SSTR1: variants seen among roughly 807,000 people sequenced by gnomAD.
The protein encoded by SSTR1 is somatostatin receptor type 1.
SSTR1 carries 10 observed loss-of-function variants against 20.7 expected under a neutral mutation model. The observed-to-expected ratio is 0.48, with a 90% CI of 0.30 to 0.82. The LOEUF is 0.82. SSTR1 is among the 40% of genes least tolerant of loss of function. The pLI is 0.07. For synonymous variants in SSTR1, 267 were observed against 227.8 expected (o/e 1.17, Z -1.55); for missense variants, 494 against 540.0 (o/e 0.91, Z 0.84).
intron 2 of SSTR1, 67 bp downstream of exon 2, chr14:38,208,676 A>G (rs1883260590): frequency 6.6e-6 from 1 of 152,346 alleles, no homozygotes; most frequent in African/African-American, 2.4e-5. Context: ...GGAAGAGGGA[A>G]TTTAGGGTTC....
In SSTR1 at chr14:38,209,594, T is replaced by A. The variant is rs1566438634; in HGVS notation, c.205T>A (p.Cys69Ser). ...ILISFIYSVV[C>S]LVGLCGNSMV... Reference sequence around the variant, plus strand: ...GATCTCTTTCATCTACTCCGTGGTGTGCCTGGTGGGGCTGTGTGGGAACTC... The same window carrying A: ...GATCTCTTTCATCTACTCCGTGGTGAGCCTGGTGGGGCTGTGTGGGAACTC... The change falls in exon 3 of 3, where the codon TGC becomes AGC. Residue 69 changes from cysteine (C) to serine (S), a missense_variant. Physicochemically the swap from Cys to Ser is moderately radical, Grantham distance 112. Coordinates refer to ENST00000267377, the MANE Select transcript of SSTR1 (RefSeq NM_001049.3). 1 of 1,613,754 alleles carries A rather than the reference T, an allele frequency of 6.2e-7. No homozygotes were observed. The highest frequency in any genetic ancestry group is 1.7e-5 in the Admixed American group (1 of 59,992).
chr14:38,209,886 C>T lies in SSTR1; in HGVS notation c.497C>T (p.Ala166Val). ...GCCGTGGTGCATCCCATCAAGGCGG[C>T]CCGCTACCGCCGGCCCACCGTGGCC... ...YVAVVHPIKA[A>V]RYRRPTVAKV... is the part of the protein sequence containing the mutation. The change falls in exon 3 of 3, where the codon GCC becomes GTC. Residue 166 changes from alanine (A) to valine (V), a missense_variant. Around this residue, in one of 3 missense-constraint regions of SSTR1, gnomAD observed 116 missense variants for 174.6 expected, o/e 0.66. Coordinates refer to ENST00000267377, the MANE Select transcript of SSTR1 (RefSeq NM_001049.3). The T allele has an allele frequency of 6.2e-7, 1 of 1,613,778 alleles. No individual in the cohort carries two copies. Among genetic ancestry groups the T allele is most frequent in the Non-Finnish European group, 8.5e-7 (1 of 1,180,040 alleles).
Position 38,212,306 on chromosome 14 carries a change from T to C in SSTR1, c.*1741T>C, listed in dbSNP as rs1883345100. 6.0e-6 allele frequency: 1 copy of C among 166,978 alleles called. No individual in the cohort carries two copies. The highest frequency in any genetic ancestry group is 1.5e-5 in the Non-Finnish European group (1 of 68,114). The allele number at this position is 166,978 out of a possible 1,614,324, so 10.3% of individuals were successfully genotyped here. A position where few individuals can be genotyped will look rare whatever the true frequency, so the allele number is the denominator to read the frequency against. On this transcript the variant is annotated 3_prime_UTR_variant, in exon 3 of 3. Transcript: ENST00000267377. The stretch of plus-strand genomic sequence containing the variant: ...AAGTATAGCCACTGATGGTGACAGG[T>C]GTGAGTCTGGCTGGAACACTTTCAG...
chr14:38,209,212 G>A lies in SSTR1; in HGVS notation c.-178G>A. ...GCAGAGCCCAGGCAACCGCTGGGCT[G>A]TGCGCCCCGCCGGCGCCGGTAGGAG... On this transcript the variant is annotated 5_prime_UTR_variant, in exon 3 of 3. In the 5' UTR this introduces an upstream ATG that the reference lacks. Transcript: ENST00000267377. 1.4e-6 allele frequency: 1 copy of A among 728,310 alleles called. No individual in the cohort carries two copies. Among genetic ancestry groups the A allele is most frequent in the South Asian group, 3.6e-5 (1 of 27,978 alleles). The allele number at this position is 728,310 out of a possible 1,614,324, so 45.1% of individuals were successfully genotyped here.
At chr14:38,208,834 T>C (rs1270962658) in intron 2 of SSTR1, among the ~76,000 whole-genome samples, 1 of 152,126 alleles carries the variant, frequency 6.6e-6, no homozygotes, top group Non-Finnish European at 1.5e-5. Flanking sequence ...ACAGAATCTA[T>C]ACCTTTGGTT....
In SSTR1 at chr14:38,210,558, C is replaced by CGCTCTGAGCCCGAGCCACGCAGGG. The variant is rs1555317852; in HGVS notation, c.*5_*6insAGCCACGCAGGGGCTCTGAGCCCG. On this transcript the variant is annotated stop_gained and inframe_insertion, in exon 3 of 3. Coordinates refer to ENST00000267377, the MANE Select transcript of SSTR1 (RefSeq NM_001049.3). LOFTEE classifies it high-confidence loss of function. Reference sequence around the variant, plus strand: ...GGCACCTGCACGTCCCGGATCACGACGCTCTGAGCCCGGGCCACGCAGGGG... The same window carrying CGCTCTGAGCCCGAGCCACGCAGGG: ...GGCACCTGCACGTCCCGGATCACGACGCTCTGAGCCCGAGCCACGCAGGGGCTCTGAGCCCGGGCCACGCAGGGG... 3.3e-6 allele frequency: 5 copies of CGCTCTGAGCCCGAGCCACGCAGGG among 1,533,868 alleles called. No individual in the cohort carries two copies. Among genetic ancestry groups the CGCTCTGAGCCCGAGCCACGCAGGG allele is most frequent in the Non-Finnish European group, 4.4e-6 (5 of 1,130,636 alleles).
chr14:38,209,517 G>C lies in SSTR1; in HGVS notation c.128G>C (p.Arg43Pro). 1 of 1,593,274 alleles carries C rather than the reference G, an allele frequency of 6.3e-7. No homozygotes were observed. ...GCGGACGGCATGGAGGAGCCAGGGC[G>C]AAATGCGTCCCAGAACGGGACCTTG... ...GAADGMEEPG[R>P]NASQNGTLSE... Residue 43 changes from arginine to proline, a missense_variant, in exon 3 of 3, where the codon CGA (arginine) becomes CCA (proline). Transcript: ENST00000267377.
In SSTR1 at chr14:38,210,559, G is replaced by A. The variant is rs779949852; in HGVS notation, c.1170G>A (p.Thr390=). ...RNGTCTSRIT[T]L ...GCACCTGCACGTCCCGGATCACGAC[G>A]CTCTGAGCCCGGGCCACGCAGGGGC... is the stretch of plus-strand genomic sequence containing the variant. The change falls in exon 3 of 3, where the codon ACG becomes ACA. Residue 390 remains threonine, a synonymous_variant. Coordinates refer to ENST00000267377, the MANE Select transcript of SSTR1 (RefSeq NM_001049.3). 6.4e-7 allele frequency: 1 copy of A among 1,550,844 alleles called. No individual in the cohort carries two copies. The highest frequency in any genetic ancestry group is 8.7e-7 in the Non-Finnish European group (1 of 1,147,452).
In SSTR1 at chr14:38,209,667, C is replaced by T; in HGVS notation, c.278C>T (p.Thr93Ile). 6.2e-7 allele frequency: 1 copy of T among 1,614,096 alleles called. No homozygotes were observed. Among genetic ancestry groups the T allele is most frequent in the Non-Finnish European group, 8.5e-7 (1 of 1,180,032 alleles). The change falls in exon 3 of 3, where the codon ACC becomes ATC. Residue 93 changes from threonine (T) to isoleucine (I), a missense_variant. Transcript: ENST00000267377. ...ILRYAKMKTA[T>I]NIYILNLAIA... ...CGCTATGCCAAGATGAAGACGGCCACCAACATCTACATCCTAAATCTGGCC... is the reference window on the plus strand; with the variant it reads ...CGCTATGCCAAGATGAAGACGGCCATCAACATCTACATCCTAAATCTGGCC...
rs951253322 is a variant in SSTR1 at position 38,209,090 on chromosome 14, A to G, written c.-300A>G. The G allele has an allele frequency of 2.3e-5, 8 of 347,472 alleles. No individual in the cohort carries two copies. The highest frequency in any genetic ancestry group is 3.1e-5 in the Non-Finnish European group (6 of 194,844). 21.5% of individuals were successfully genotyped at this position (347,472 alleles called of 1,614,324 possible). On this transcript the variant is annotated 5_prime_UTR_variant, in exon 3 of 3. Transcript: ENST00000267377. ...GCCTATTAATCATTTACCAGTCCAGAGCCGCGCCAGTTAATGGCTGTGCCG... is the reference window on the plus strand; with the variant it reads ...GCCTATTAATCATTTACCAGTCCAGGGCCGCGCCAGTTAATGGCTGTGCCG...
At position 38,209,485 on chromosome 14, in the gene SSTR1, C is replaced by A. The variant is rs772211121; in HGVS notation, c.96C>A (p.Ala32=). Residue 32 remains alanine, a synonymous_variant, in exon 3 of 3, where the codon GCC becomes GCA. Coordinates refer to ENST00000267377, the MANE Select transcript of SSTR1 (RefSeq NM_001049.3). ...GEGGGSRGPG[A]GAADGMEEPG... Reference sequence around the variant, plus strand: ...GCGGCGGCAGCAGGGGCCCCGGGGCCGGCGCTGCGGACGGCATGGAGGAGC... The same window carrying A: ...GCGGCGGCAGCAGGGGCCCCGGGGCAGGCGCTGCGGACGGCATGGAGGAGC... 5 of 1,569,790 alleles carry A rather than the reference C, an allele frequency of 3.2e-6. No homozygotes were observed. In the African/African-American group the frequency reaches 5.4e-5, roughly 17 times the overall value.
rs764017181 is a variant in SSTR1, at chr14:38,209,800, C to G, written c.411C>G (p.Asp137Glu). The G allele has an allele frequency of 3.1e-6, 5 of 1,613,944 alleles. No individual in the cohort carries two copies. The highest frequency in any genetic ancestry group is 3.4e-6 in the Non-Finnish European group (4 of 1,180,038). ...TCTGCCGCCTCGTGCTCAGCGTGGA[C>G]GCGGTCAACATGTTCACCAGCATCT... The part of the protein sequence containing the change: ...ALLCRLVLSV[D>E]AVNMFTSIYC... Residue 137 changes from aspartate to glutamate, a missense_variant, in exon 3 of 3, where the codon GAC becomes GAG. Around this residue, in one of 3 missense-constraint regions of SSTR1, gnomAD observed 116 missense variants for 174.6 expected, o/e 0.66. Coordinates refer to ENST00000267377, the MANE Select transcript of SSTR1 (RefSeq NM_001049.3).
rs1594459697 is a variant in SSTR1, at chr14:38,210,958, C to G, written c.*393C>G. On this transcript the variant is annotated 3_prime_UTR_variant, in exon 3 of 3. Transcript: ENST00000267377. The stretch of plus-strand genomic sequence containing the variant: ...ATTAACAACTCATTCTGATCCTCAG[C>G]CCCTCCAGTCGTTATTTCTGTTTGT... 1 of 190,350 alleles carries G rather than the reference C, an allele frequency of 5.3e-6. No individual in the cohort carries two copies. Among genetic ancestry groups the G allele is most frequent in the Non-Finnish European group, 1.2e-5 (1 of 83,452 alleles). The allele number at this position is 190,350 out of a possible 1,614,324, so 11.8% of individuals were successfully genotyped here.
rs1034673429 is a variant in SSTR1 at position 38,209,130 on chromosome 14, A to G, written c.-260A>G. On this transcript the variant is annotated 5_prime_UTR_variant, in exon 3 of 3. Coordinates refer to ENST00000267377, the MANE Select transcript of SSTR1 (RefSeq NM_001049.3). ...TGGCTGTGCCGTGCGGTGCTCCCAC[A>G]TCCTGGCCTCTCCTCTCCACGGTCG... The G allele has an allele frequency of 2.5e-6, 1 of 404,332 alleles. No individual in the cohort carries two copies. The highest frequency in any genetic ancestry group is 2.1e-5 in the African/African-American group (1 of 48,042). 25.0% of individuals were successfully genotyped at this position (404,332 alleles called of 1,614,324 possible). A position where few individuals can be genotyped will look rare whatever the true frequency, so the allele number is the denominator to read the frequency against.
At position 38,210,059 on chromosome 14, in the gene SSTR1, G is replaced by A. The variant is rs756196961; in HGVS notation, c.670G>A (p.Val224Met). The part of the protein sequence containing the change: ...EPAQRWLVGF[V>M]LYTFLMGFLL... ...CGCTCAACGCTGGCTGGTGGGCTTCGTGTTGTACACATTTCTCATGGGCTT... is the reference window on the plus strand; with the variant it reads ...CGCTCAACGCTGGCTGGTGGGCTTCATGTTGTACACATTTCTCATGGGCTT... Residue 224 changes from valine to methionine, a missense_variant, in exon 3 of 3, where the codon GTG becomes ATG. Val to Met is a conservative substitution (Grantham distance 21). Around this residue, in one of 3 missense-constraint regions of SSTR1, gnomAD observed 280 missense variants for 286.1 expected, o/e 0.98. Transcript: ENST00000267377. 1.2e-6 allele frequency: 2 copies of A among 1,614,202 alleles called. No individual in the cohort carries two copies. Among genetic ancestry groups the A allele is most frequent in the Non-Finnish European group, 1.7e-6 (2 of 1,180,050 alleles).
In SSTR1 at chr14:38,209,303, G is replaced by A. The variant is rs1186526741; in HGVS notation, c.-87G>A. The A allele has an allele frequency of 8.0e-6, 11 of 1,373,588 alleles. No homozygotes were observed. The highest frequency in any genetic ancestry group is 5.7e-5 in the East Asian group (2 of 35,106). The allele number at this position is 1,373,588 out of a possible 1,614,324, so 85.1% of individuals were successfully genotyped here. A position where few individuals can be genotyped will look rare whatever the true frequency, so the allele number is the denominator to read the frequency against. Reference sequence around the variant, plus strand: ...GGGCGGCTGTGGGCTGCAGGCAAGCGGTCGGGTGGGGAGGGAGGGCGCAGG... The same window carrying A: ...GGGCGGCTGTGGGCTGCAGGCAAGCAGTCGGGTGGGGAGGGAGGGCGCAGG... On this transcript the variant is annotated 5_prime_UTR_variant, in exon 3 of 3. Coordinates refer to ENST00000267377, the MANE Select transcript of SSTR1 (RefSeq NM_001049.3).
rs1466112640 is a variant in SSTR1 at position 38,209,946 on chromosome 14, T to G, written c.557T>G (p.Leu186Arg). 1 of 1,614,060 alleles carries G rather than the reference T, an allele frequency of 6.2e-7. No individual in the cohort carries two copies. The highest frequency in any genetic ancestry group is 2.2e-5 in the East Asian group (1 of 44,836). Residue 186 changes from leucine to arginine, a missense_variant, in exon 3 of 3, where the codon CTG (leucine) becomes CGG (arginine). Leu to Arg is a moderately radical substitution (Grantham distance 102, BLOSUM62 -2). This residue lies in a region of SSTR1 where 280 missense variants were observed against 286.1 expected (regional missense o/e 0.98). Coordinates refer to ENST00000267377, the MANE Select transcript of SSTR1 (RefSeq NM_001049.3). ...AACCTGGGCGTGTGGGTGCTATCGC[T>G]GCTCGTCATCCTGCCCATCGTGGTC... is the stretch of plus-strand genomic sequence containing the variant. Reference protein sequence around the residue: ...VVNLGVWVLSLLVILPIVVFS... With the variant: ...VVNLGVWVLSRLVILPIVVFS...
chr14:38,208,410 G>A (rs1011084588), intron 1 of SSTR1, 33 bp from the exon 2 acceptor site: 1 of 152,240 alleles, frequency 6.6e-6, no homozygotes, highest in African/African-American at 2.4e-5. Context: ...CCTAACGCAC[G>A]GTGGTTGTCC....
Position 38,210,099 on chromosome 14 carries a change from G to A in SSTR1, c.710G>A (p.Gly237Glu), listed in dbSNP as rs780849284. ...TFLMGFLLPV[G>E]AICLCYVLII... ...CTCATGGGCTTCCTGCTGCCCGTGG[G>A]GGCTATCTGCCTGTGCTACGTGCTC... Residue 237 changes from glycine to glutamate, a missense_variant, in exon 3 of 3, where the codon GGG (glycine) becomes GAG (glutamate). This residue lies in a region of SSTR1 where 280 missense variants were observed against 286.1 expected (regional missense o/e 0.98). Coordinates refer to ENST00000267377, the MANE Select transcript of SSTR1 (RefSeq NM_001049.3). 6.2e-7 allele frequency: 1 copy of A among 1,614,204 alleles called. No individual in the cohort carries two copies. Among genetic ancestry groups the A allele is most frequent in the Admixed American group, 1.7e-5 (1 of 60,036 alleles).
Sources: gnomAD v4.1 joint callset for allele counts (sites outside exome capture counted in the v4.1 genomes callset) on GRCh38, gnomAD v4.1.1 for gene constraint, gnomAD v4.1.1 regional missense constraint, MANE v1.5 for transcripts, NCBI Gene and HGNC (gene_info 2026-07-23, HGNC 2026-07-21) for gene names.